Variants in KAZN observed in about 807,000 individuals in gnomAD.
KAZN encodes kazrin.
KAZN carries 40 observed loss-of-function variants against 87.4 expected under a neutral mutation model. The observed-to-expected ratio is 0.46, with a 90% CI of 0.36 to 0.60. The LOEUF (loss-of-function observed/expected upper bound fraction) is 0.60. KAZN is among the 20% of genes least tolerant of loss of function. The pLI is 0.00. For synonymous variants in KAZN, 466 were observed against 458.3 expected (o/e 1.02, Z -0.22); for missense variants, 898 against 1,073.9 (o/e 0.84, Z 2.29).
intron 2 of KAZN, among the ~76,000 whole-genome samples, chr1:15,034,473 T>C (rs969363263): frequency 1.3e-5 from 2 of 150,830 alleles, no homozygotes; most frequent in Non-Finnish European, 2.9e-5. Context: ...CTCAGCCAGC[T>C]TAGGGCTGGG....
At position 14,856,833 on chromosome 1, in the gene KAZN, T is replaced by A. The variant is rs1187848989; in HGVS notation, c.227-103851T>A. 6.6e-6 allele frequency among the ~76,000 whole-genome samples: 1 copy of A among 152,198 alleles called. No individual in the cohort carries two copies. The highest frequency in any genetic ancestry group is 1.5e-5 in the Non-Finnish European group (1 of 68,048). ...TGCAATTCAATCGGAACTCAGACTT[T>A]TTTCCTCTGTTGTCATCCTTTGATG... On this transcript the variant is annotated intron_variant, in intron 1 of 14. Coordinates refer to ENST00000376030, the MANE Select transcript of KAZN (RefSeq NM_201628.3). The surrounding 1 kb of genome is among the most constrained non-coding windows in gnomAD (Gnocchi z 5.2).
At chr1:14,929,801 G>C (rs1391866494) in intron 1 of KAZN, 4 of 985,340 alleles carry the variant, frequency 4.1e-6, no homozygotes, top group Middle Eastern at 5.2e-4. Context: ...GCCTTTCAAG[G>C]GAGAGGGAAG....
chr1:13,903,942 G>C (rs1639341445), intron 1 of KAZN, among the ~76,000 whole-genome samples: 1 of 152,166 alleles, frequency 6.6e-6, no homozygotes, highest in Admixed American at 6.5e-5. Flanking sequence ...CCCCAGTCAG[G>C]AGCACCAGAA....
chr1:13,905,223 A>C (rs981121669), intron 1 of KAZN, among the ~76,000 whole-genome samples: 3 of 151,972 alleles, frequency 2.0e-5, no homozygotes, highest in African/African-American at 7.3e-5. Context: ...CAATTCTGGC[A>C]CTCCTGAGTA....
At chr1:14,463,205 G>C (rs1333583352) in intron 2 of KAZN, among the ~76,000 whole-genome samples, 1 of 152,180 alleles carries the variant, frequency 6.6e-6, no homozygotes, top group South Asian at 2.1e-4. Context: ...GTAGCTTCAG[G>C]GTTGTTGCCA....
intron 1 of KAZN, among the ~76,000 whole-genome samples, chr1:14,956,967 C>T (rs975529119): frequency 6.6e-6 from 1 of 152,186 alleles, no homozygotes; most frequent in Non-Finnish European, 1.5e-5. Flanking sequence ...CCATTTCCTC[C>T]TTCCCCAGTC....
At chr1:14,523,372 G>C (rs1335301082) in intron 2 of KAZN, among the ~76,000 whole-genome samples, 2 of 152,250 alleles carry the variant, frequency 1.3e-5, no homozygotes, top group African/African-American at 2.4e-5. Flanking sequence ...AGGCCAGAAA[G>C]GGAGCTGTCC....
chr1:14,907,501 G>A (rs185697429), intron 1 of KAZN, among the ~76,000 whole-genome samples: 1 of 152,148 alleles, frequency 6.6e-6, no homozygotes, highest in East Asian at 1.9e-4. Context: ...AGATGATTGT[G>A]TTCAGTAGAG....
At chr1:15,001,950 G>A (rs1033911018) in intron 2 of KAZN, among the ~76,000 whole-genome samples, 3 of 142,170 alleles carry the variant, frequency 2.1e-5, no homozygotes, top group African/African-American at 5.4e-5. Flanking sequence ...GCACGATCTC[G>A]GCTCACTGCA....
chr1:14,075,022 A>C (rs1377328335), intron 1 of KAZN, among the ~76,000 whole-genome samples: 2 of 152,112 alleles, frequency 1.3e-5, no homozygotes, highest in Non-Finnish European at 2.9e-5. Context: ...CTTATTTCTT[A>C]TTTGAGAAGA....
intron 1 of KAZN, among the ~76,000 whole-genome samples, chr1:14,777,288 G>T (rs982312683): frequency 6.6e-6 from 1 of 152,068 alleles, no homozygotes; most frequent in African/African-American, 2.4e-5. Context: ...GAGCCACCAC[G>T]CCCAGCCCTG....
At chr1:14,040,099 GAGAGAC>G (rs1557426690) in intron 1 of KAZN, among the ~76,000 whole-genome samples, 1 of 144,320 alleles carries the variant, frequency 6.9e-6, no homozygotes, top group Non-Finnish European at 1.6e-5. Context: ...GTGAGAGAGA[GAGAGAC>G]AGAGAGAGAG....
At chr1:14,519,184 G>A (rs1334374956) in intron 2 of KAZN, among the ~76,000 whole-genome samples, 1 of 152,064 alleles carries the variant, frequency 6.6e-6, no homozygotes, top group Non-Finnish European at 1.5e-5. Flanking sequence ...AAAAGTTTCT[G>A]GAATCAAAGA....
At chr1:14,087,996 T>TG in intron 1 of KAZN, among the ~76,000 whole-genome samples, 1 of 145,282 alleles carries the variant, frequency 6.9e-6, no homozygotes, top group East Asian at 2.0e-4. Context: ...CTCTTGCTGT[T>TG]TTTTTTTTTT....
At chr1:14,808,370 C>G (rs1646293134) in intron 1 of KAZN, among the ~76,000 whole-genome samples, 1 of 137,862 alleles carries the variant, frequency 7.3e-6, no homozygotes, top group South Asian at 2.3e-4. Context: ...GATCTCAGTT[C>G]ACCGCAACCT....
At chr1:14,902,003 G>T (rs1459407236) in intron 1 of KAZN, among the ~76,000 whole-genome samples, 1 of 152,194 alleles carries the variant, frequency 6.6e-6, no homozygotes, top group Non-Finnish European at 1.5e-5. Context: ...GGCAACTTAT[G>T]CAGATGTGTA....
chr1:14,761,778 C>T (rs1644745805), intron 1 of KAZN, among the ~76,000 whole-genome samples: 1 of 152,146 alleles, frequency 6.6e-6, no homozygotes, highest in Non-Finnish European at 1.5e-5. Context: ...TGCAGACCTC[C>T]ATTTTCAAGG....
chr1:14,406,188 G>A (rs536564985), intron 2 of KAZN, among the ~76,000 whole-genome samples: 34 of 152,098 alleles, frequency 2.2e-4, no homozygotes, highest in African/African-American at 3.6e-4. Flanking sequence ...TTGCGTGCCC[G>A]TCTCAAAACA....
chr1:14,085,493 TAG>T (rs1454652237), intron 1 of KAZN, among the ~76,000 whole-genome samples: 1 of 152,214 alleles, frequency 6.6e-6, no homozygotes, highest in Non-Finnish European at 1.5e-5. Context: ...TTGCTTGCTC[TAG>T]AGTTTTATAA....
Sources: gnomAD v4.1 joint callset for allele counts (sites outside exome capture counted in the v4.1 genomes callset) on GRCh38, gnomAD v4.1.1 for gene constraint, Gnocchi (gnomAD v3.1) non-coding constraint, MANE v1.5 for transcripts, NCBI Gene and HGNC (gene_info 2026-07-23, HGNC 2026-07-21) for gene names.